Variants in DHX32 observed in about 807,000 individuals in gnomAD.
The protein encoded by DHX32 is putative pre-mRNA-splicing factor ATP-dependent RNA helicase DHX32.
A neutral mutation model predicts 70.0 loss-of-function variants in DHX32; 51 were observed. That is an observed-to-expected ratio of 0.73 (90% confidence interval 0.58 to 0.92). The LOEUF (loss-of-function observed/expected upper bound fraction) is 0.92. DHX32 is among the 40% of genes least tolerant of loss of function. The probability of loss-of-function intolerance (pLI) is 0.00; values close to 1 mark genes in which losing one functional copy is unlikely to be tolerated. For missense variants in DHX32, 762 were observed against 891.8 expected (o/e 0.85, Z 1.85); for synonymous variants, 310 against 315.3 (o/e 0.98, Z 0.18).
intron 1 of DHX32, among the ~76,000 whole-genome samples, chr10:125,870,230 G>A (rs183924970): frequency 8.5e-4 from 130 of 152,224 alleles, no homozygotes; most frequent in Admixed American, 2.4e-3. Context: ...TGGGATCAAC[G>A]GAAAAGCAAG....
At chr10:125,882,548 G>A (rs1215822556), upstream of DHX32, among the ~76,000 whole-genome samples, 1 of 152,160 alleles carries the variant, frequency 6.6e-6, no homozygotes, top group African/African-American at 2.4e-5. Flanking sequence ...GCAAGAGCAG[G>A]ATAGAAAGTT....
upstream of DHX32, among the ~76,000 whole-genome samples, chr10:125,883,925 C>G (rs1162604425): frequency 6.6e-6 from 1 of 152,166 alleles, no homozygotes; most frequent in East Asian, 1.9e-4. Context: ...GGCCTCTTAC[C>G]TTGTGAGGCT....
intron 1 of DHX32, among the ~76,000 whole-genome samples, chr10:125,870,604 G>A (rs1429615895): frequency 3.3e-5 from 5 of 152,232 alleles, no homozygotes; most frequent in African/African-American, 1.2e-4. Flanking sequence ...GGAGGCCAAG[G>A]CGGGTGGATT....
At chr10:125,840,822 A>G (rs1269596827) in intron 8 of DHX32, 25 bp downstream of exon 8, 2 of 1,547,036 alleles carry the variant, frequency 1.3e-6, no homozygotes, top group African/African-American at 2.8e-5. Flanking sequence ...TGGAATTAAT[A>G]GGTAGTTTCT....
At position 125,866,889 on chromosome 10, in the gene DHX32, A is replaced by T; in HGVS notation, c.476+101T>A. On this transcript the variant is annotated intron_variant, in intron 2 of 10. Coordinates refer to ENST00000284690, the MANE Select transcript of DHX32 (RefSeq NM_018180.3). The surrounding 1 kb of genome is among the most constrained non-coding windows in gnomAD (Gnocchi z 4.8). The stretch of plus-strand genomic sequence containing the variant: ...GAGACCAGTTGCTACTGCACAGCAT[A>T]GATGCTTAACAGGTAGAATGCCAGA... The T allele has an allele frequency of 1.5e-6, 2 of 1,310,744 alleles. No individual in the cohort carries two copies. Among genetic ancestry groups the T allele is most frequent in the South Asian group, 1.4e-5 (1 of 73,206 alleles). The allele number at this position is 1,310,744 out of a possible 1,614,324, so 81.2% of individuals were successfully genotyped here.
intron 6 of DHX32, among the ~76,000 whole-genome samples, chr10:125,845,107 T>C (rs1169336522): frequency 2.0e-5 from 3 of 152,140 alleles, no homozygotes; most frequent in Admixed American, 1.3e-4. Context: ...CAGCGCTAAC[T>C]CCAAGCTGAG....
intron 1 of DHX32, chr10:125,890,571 T>G (rs1483578763): frequency 5.3e-5 from 8 of 152,304 alleles, no homozygotes; most frequent in Admixed American, 5.2e-4. Context: ...CAATGTTGGT[T>G]CATATCAGAT....
intron 6 of DHX32, among the ~76,000 whole-genome samples, chr10:125,849,807 G>T (rs796867821): frequency 8.5e-5 from 13 of 152,310 alleles, no homozygotes; most frequent in African/African-American, 3.1e-4. Flanking sequence ...CAAATCTTGA[G>T]TTTCCAAGTG....
At chr10:125,860,813 T>G (rs1944182711) in intron 2 of DHX32, among the ~76,000 whole-genome samples, 1 of 139,936 alleles carries the variant, frequency 7.1e-6, no homozygotes, top group African/African-American at 2.7e-5. Flanking sequence ...TGGAGTGCAG[T>G]GGCGCAATCT....
intron 1 of DHX32, among the ~76,000 whole-genome samples, chr10:125,887,243 A>C (rs1051809139): frequency 6.6e-6 from 1 of 152,162 alleles, no homozygotes; most frequent in Non-Finnish European, 1.5e-5. Context: ...AGTGCCTAAT[A>C]TGTGTCTGCA....
intron 6 of DHX32, among the ~76,000 whole-genome samples, chr10:125,844,600 C>G (rs1943989032): frequency 6.6e-6 from 1 of 152,172 alleles, no homozygotes; most frequent in African/African-American, 2.4e-5. Flanking sequence ...ATAGGATTTG[C>G]TAATATTATA....
intron 1 of DHX32, among the ~76,000 whole-genome samples, chr10:125,873,551 A>G (rs964423528): frequency 1.3e-5 from 2 of 152,194 alleles, no homozygotes; most frequent in African/African-American, 2.4e-5. Context: ...ACAAGTTTAA[A>G]GGAATCTAAA....
intron 1 of DHX32, 83 bp downstream of exon 1, chr10:125,880,460 G>T: frequency 7.2e-7 from 1 of 1,398,232 alleles, no homozygotes; most frequent in African/African-American, 1.4e-5. Context: ...ACTATTATTA[G>T]AACACTAGGC....
intron 1 of DHX32, among the ~76,000 whole-genome samples, chr10:125,887,607 C>A (rs1365985105): frequency 2.0e-5 from 3 of 151,592 alleles, no homozygotes; most frequent in Admixed American, 1.3e-4. Flanking sequence ...ACAGTCTTTT[C>A]TTTATTTTAC....
At chr10:125,852,166 A>G in intron 6 of DHX32, 127 bp downstream of exon 6, 1 of 1,183,890 alleles carries the variant, frequency 8.4e-7, no homozygotes, top group Non-Finnish European at 1.2e-6. Flanking sequence ...AAAATGCTTC[A>G]GTCCAAACCA....
chr10:125,871,754 G>A (rs1313234408), intron 1 of DHX32, among the ~76,000 whole-genome samples: 1 of 152,116 alleles, frequency 6.6e-6, no homozygotes. Flanking sequence ...CATTTCAAGG[G>A]ATACTGAGAT....
At chr10:125,841,093 G>A (rs2134026436) in intron 7 of DHX32, 97 bp from the exon 8 acceptor site, 1 of 1,430,320 alleles carries the variant, frequency 7.0e-7, no homozygotes, top group East Asian at 2.4e-5. Flanking sequence ...TAGTGGCATG[G>A]CTCCTGTCTT....
intron 1 of DHX32, among the ~76,000 whole-genome samples, chr10:125,876,444 C>T (rs553870183): frequency 6.6e-6 from 1 of 152,310 alleles, no homozygotes; most frequent in Non-Finnish European, 1.5e-5. Context: ...AAATATGTAT[C>T]TATTAAATGA....
chr10:125,886,517 C>T (rs1196953752), intron 1 of DHX32, among the ~76,000 whole-genome samples: 2 of 152,256 alleles, frequency 1.3e-5, no homozygotes, highest in East Asian at 1.9e-4. Context: ...TTTACTACTG[C>T]TGCATAGAGT....
Sources: allele counts gnomAD v4.1 joint callset (sites outside exome capture counted in the v4.1 genomes callset), GRCh38; gene constraint gnomAD v4.1.1; non-coding constraint Gnocchi (gnomAD v3.1); transcripts MANE v1.5; gene names NCBI Gene and HGNC (gene_info 2026-07-23, HGNC 2026-07-21).